The following PLB1 variants were observed in gnomAD, a reference collection of about 807,000 sequenced individuals.
PLB1 encodes phospholipase B1, membrane-associated.
Under a neutral mutation model 227.4 loss-of-function variants are expected in PLB1, and 242 were observed. That is an observed-to-expected ratio of 1.06 (90% CI 0.96 to 1.18). The LOEUF (loss-of-function observed/expected upper bound fraction) is 1.18. Ranked by LOEUF, PLB1 falls within the 50% of genes most tolerant of loss-of-function variation. The pLI is 0.00. For missense variants in PLB1, 1,858 were observed against 1,816.3 expected (o/e 1.02, Z -0.42); for synonymous variants, 757 against 682.2 (o/e 1.11, Z -1.71).
At chr2:28,590,307 T>C (rs1241256543) in intron 29 of PLB1, among the ~76,000 whole-genome samples, 1 of 152,078 alleles carries the variant, frequency 6.6e-6, no homozygotes, top group Non-Finnish European at 1.5e-5. Context: ...CCCTCACACA[T>C]GTCTGGGGTG....
At chr2:28,507,625 T>C (rs1033325038) in intron 1 of PLB1, among the ~76,000 whole-genome samples, 1 of 152,160 alleles carries the variant, frequency 6.6e-6, no homozygotes, top group African/African-American at 2.4e-5. Flanking sequence ...CATGAGGAAG[T>C]TGAAGAAAAT....
intron 56 of PLB1, among the ~76,000 whole-genome samples, chr2:28,634,674 G>A (rs186379145): frequency 1.8e-4 from 28 of 152,276 alleles, no homozygotes; most frequent in African/African-American, 6.3e-4. Context: ...TTGGGAGGCC[G>A]AGGCAGGTGG....
intron 1 of PLB1, among the ~76,000 whole-genome samples, chr2:28,499,813 A>T (rs1338174984): frequency 6.6e-6 from 1 of 152,060 alleles, no homozygotes; most frequent in Non-Finnish European, 1.5e-5. Flanking sequence ...TGAACCTGGG[A>T]GGTGGAGGTT....
At chr2:28,524,838 C>G (rs1370438230) in intron 4 of PLB1, among the ~76,000 whole-genome samples, 1 of 133,628 alleles carries the variant, frequency 7.5e-6, no homozygotes, top group Admixed American at 7.3e-5. Context: ...TTCTCTCTCT[C>G]TCTCTCTTTT....
At chr2:28,623,491 A>G (rs1328282061) in intron 49 of PLB1, among the ~76,000 whole-genome samples, 1 of 152,190 alleles carries the variant, frequency 6.6e-6, no homozygotes, top group Non-Finnish European at 1.5e-5. Flanking sequence ...CTTTGACCAG[A>G]AAAGTCTTTC....
At chr2:28,540,333 C>T in intron 11 of PLB1, 33 bp from the exon 12 acceptor site, 3 of 1,594,528 alleles carry the variant, frequency 1.9e-6, no homozygotes, top group East Asian at 2.2e-5. Flanking sequence ...CACTGCCTCC[C>T]CTCTCTCATT....
intron 33 of PLB1, chr2:28,594,928 G>A (rs1310972314): frequency 1.3e-5 from 2 of 152,134 alleles, no homozygotes; most frequent in Non-Finnish European, 2.9e-5. Context: ...AGAGCATGAG[G>A]TTCTGGCAGC....
At chr2:28,636,033 GTGTGTGTGTA>G (rs1553467801) in intron 56 of PLB1, among the ~76,000 whole-genome samples, 5 of 149,692 alleles carry the variant, frequency 3.3e-5, no homozygotes, top group African/African-American at 1.2e-4. Context: ...GTGTGTATGT[GTGTGTGTGTA>G]TGTATGTGTA....
chr2:28,607,688 G>A (rs1684878693), intron 43 of PLB1, among the ~76,000 whole-genome samples: 1 of 152,052 alleles, frequency 6.6e-6, no homozygotes, highest in Admixed American at 6.5e-5. Flanking sequence ...ACTGTGCCAG[G>A]TGTAAACTCT....
At chr2:28,540,635 T>C (rs1457620754) in intron 12 of PLB1, among the ~76,000 whole-genome samples, 194 bp downstream of exon 12, 2 of 152,056 alleles carry the variant, frequency 1.3e-5, no homozygotes, top group Non-Finnish European at 2.9e-5. Flanking sequence ...TTCCTGCATA[T>C]AAAATGGGGC....
chr2:28,595,725 G>A (rs1421162512), intron 33 of PLB1: 1 of 152,010 alleles, frequency 6.6e-6, no homozygotes, highest in Non-Finnish European at 1.5e-5. Context: ...GGACAAACTA[G>A]GCAATTAATG....
At chr2:28,606,670 C>T (rs1409213608) in intron 43 of PLB1, 103 bp downstream of exon 43, 1 of 1,072,180 alleles carries the variant, frequency 9.3e-7, no homozygotes, top group Admixed American at 1.8e-5. Context: ...CCCATCTTGC[C>T]CCCTTACTGA....
At chr2:28,521,489 A>C (rs1669528088) in intron 4 of PLB1, among the ~76,000 whole-genome samples, 1 of 152,168 alleles carries the variant, frequency 6.6e-6, no homozygotes, top group Non-Finnish European at 1.5e-5. Flanking sequence ...AATAGTAGGC[A>C]TCCTAATGGG....
At chr2:28,555,378 G>T (rs1261201815) in intron 17 of PLB1, among the ~76,000 whole-genome samples, 2 of 152,076 alleles carry the variant, frequency 1.3e-5, no homozygotes, top group Admixed American at 1.3e-4. Context: ...CTGACCTCAG[G>T]TGATCCACCC....
At chr2:28,541,060 A>G (rs1672408221) in intron 12 of PLB1, among the ~76,000 whole-genome samples, 1 of 152,028 alleles carries the variant, frequency 6.6e-6, no homozygotes, top group African/African-American at 2.4e-5. Context: ...AGTCCCACCT[A>G]CTCAGGAGGC....
At chr2:28,608,836 A>T (rs538084901) in intron 43 of PLB1, among the ~76,000 whole-genome samples, 5 of 152,074 alleles carry the variant, frequency 3.3e-5, no homozygotes, top group African/African-American at 7.2e-5. Context: ...CTTGCCTTTA[A>T]TGACCCTCCT....
chr2:28,614,154 G>T, intron 44 of PLB1, 58 bp downstream of exon 44: 3 of 1,465,302 alleles, frequency 2.0e-6, no homozygotes, highest in East Asian at 2.3e-5. Flanking sequence ...CCTGCCAGGG[G>T]CTCGGGTGTG....
rs569220229 is a variant in PLB1 at position 28,524,488 on chromosome 2, C to A, written c.244-779C>A. Among the ~76,000 whole-genome samples the A allele has an allele frequency of 8.5e-5, 13 of 152,210 alleles. No homozygotes were observed. In the East Asian group the frequency reaches 2.5e-3, roughly 29 times the overall value. ...AATCGGAAACTTACCTTGTTCGTTC[C>A]AAAAATATGGATTCAACATATATTT... On this transcript the variant is annotated intron_variant, in intron 4 of 57. Transcript: ENST00000327757.
intron 56 of PLB1, among the ~76,000 whole-genome samples, chr2:28,639,332 CAAA>C (rs34467682): frequency 5.6e-5 from 7 of 124,962 alleles, no homozygotes; most frequent in Admixed American, 8.3e-5. Context: ...AAGTTGAAGA[CAAA>C]AAAAAAAAAA....
Sources: allele counts gnomAD v4.1 joint callset (sites outside exome capture counted in the v4.1 genomes callset), GRCh38; gene constraint gnomAD v4.1.1; transcripts MANE v1.5; gene names NCBI Gene and HGNC (gene_info 2026-07-23, HGNC 2026-07-21).